Variants in TMOD4 observed in about 807,000 individuals in gnomAD.
The protein encoded by TMOD4 is tropomodulin 4.
Under a neutral mutation model 45.4 loss-of-function variants are expected in TMOD4, and 34 were observed. That is an observed-to-expected ratio of 0.75 (90% CI 0.57 to 1.00). The LOEUF (loss-of-function observed/expected upper bound fraction) is 1.00. TMOD4 is among the 50% of genes least tolerant of loss of function. The pLI, the probability that TMOD4 is intolerant of heterozygous loss-of-function variation, is 0.00. For synonymous variants in TMOD4, 131 were observed against 153.9 expected (o/e 0.85, Z 1.10); for missense variants, 399 against 437.5 (o/e 0.91, Z 0.78).
intron 3 of TMOD4, 61 bp downstream of exon 3, chr1:151,174,330 C>T (rs771392827): frequency 8.3e-6 from 13 of 1,566,454 alleles, no homozygotes; most frequent in Middle Eastern, 1.8e-4. Flanking sequence ...GGAGTGGGGA[C>T]GAGTGAGAGA....
At chr1:151,170,206 A>G in intron 9 of TMOD4, 103 bp from the exon 10 acceptor site, 2 of 1,410,010 alleles carry the variant, frequency 1.4e-6, no homozygotes, top group South Asian at 1.2e-5. Flanking sequence ...ATAAATTGGT[A>G]GTGTCTTAGG....
intron 7 of TMOD4, 80 bp downstream of exon 7, chr1:151,171,353 T>A (rs1683948291): frequency 7.4e-7 from 1 of 1,354,958 alleles, no homozygotes; most frequent in African/African-American, 1.4e-5. Context: ...TAGCACTCCC[T>A]AGCAAAACCC....
In TMOD4 at chr1:151,170,514, C is replaced by A. The variant is rs747711881; in HGVS notation, c.1015+5G>T. 6.2e-7 allele frequency: 1 copy of A among 1,614,178 alleles called. No individual in the cohort carries two copies. ...ACTCCACACATCATGTCTGCAGTTACTCACGTAGTTCATTGTTTCGGGTCA... is the reference window on the plus strand; with the variant it reads ...ACTCCACACATCATGTCTGCAGTTAATCACGTAGTTCATTGTTTCGGGTCA... On this transcript the variant is annotated splice_donor_5th_base_variant and intron_variant, in intron 9 of 9. Coordinates refer to ENST00000295314, the MANE Select transcript of TMOD4 (RefSeq NM_013353.3).
At chr1:151,173,642 G>A in intron 3 of TMOD4, 27 bp from the exon 4 acceptor site, 1 of 1,569,458 alleles carries the variant, frequency 6.4e-7, no homozygotes, top group South Asian at 1.1e-5. Flanking sequence ...GGATGGCTCA[G>A]GTAGAGGTAA....
intron 4 of TMOD4, among the ~76,000 whole-genome samples, 153 bp downstream of exon 4, chr1:151,173,346 A>G (rs996449472): frequency 2.6e-5 from 4 of 152,206 alleles, no homozygotes; most frequent in Non-Finnish European, 5.9e-5. Flanking sequence ...AAATGAATAA[A>G]TATATAAACA....
Position 151,174,883 on chromosome 1 carries a change from C to A in TMOD4, c.-8G>T. On this transcript the variant is annotated 5_prime_UTR_variant, in exon 2 of 10. Transcript: ENST00000295314. ...CTTCTGATATGATGACATGGTGGCCCCCACCCCCTCCCCACTGTGTGGTAC... is the reference window on the plus strand; with the variant it reads ...CTTCTGATATGATGACATGGTGGCCACCACCCCCTCCCCACTGTGTGGTAC... 1.2e-6 allele frequency: 2 copies of A among 1,614,066 alleles called. No individual in the cohort carries two copies. The highest frequency in any genetic ancestry group is 8.5e-7 in the Non-Finnish European group (1 of 1,180,000).
At chr1:151,171,785 G>A in intron 5 of TMOD4, 22 bp from the exon 6 acceptor site, 1 of 1,609,846 alleles carries the variant, frequency 6.2e-7, no homozygotes, top group Non-Finnish European at 8.5e-7. Context: ...GGGCAGGAAG[G>A]GAACCCCAAC....
intron 3 of TMOD4, 85 bp from the exon 4 acceptor site, chr1:151,173,700 T>A (rs1572085706): frequency 2.8e-6 from 3 of 1,054,076 alleles, no homozygotes; most frequent in Non-Finnish European, 4.4e-6. Context: ...CTCCAGGAGG[T>A]AGAATGCTGC....
chr1:151,175,040 T>C, intron 1 of TMOD4, 123 bp from the exon 2 acceptor site: 4 of 753,584 alleles, frequency 5.3e-6, no homozygotes, highest in Admixed American at 5.6e-5. Context: ...AGAAGTCTAG[T>C]TGAGGATGGG....
intron 3 of TMOD4, among the ~76,000 whole-genome samples, chr1:151,174,020 C>T (rs1455520998): frequency 6.6e-6 from 1 of 152,016 alleles, no homozygotes; most frequent in African/African-American, 2.4e-5. Flanking sequence ...TCGAGACCAT[C>T]CTGGCTAACA....
At chr1:151,174,084 T>C (rs1050982590) in intron 3 of TMOD4, among the ~76,000 whole-genome samples, 16 of 152,040 alleles carry the variant, frequency 1.1e-4, no homozygotes, top group South Asian at 1.0e-3. Context: ...GGCGTGGTGG[T>C]GGGCGCCTGT....
chr1:151,175,102 T>G, intron 1 of TMOD4, 185 bp from the exon 2 acceptor site: 3 of 487,776 alleles, frequency 6.2e-6, no homozygotes, highest in Non-Finnish European at 1.1e-5. Flanking sequence ...TCCTTTCTGC[T>G]TCCCCAGCTT....
In TMOD4 at chr1:151,174,743, G is replaced by A. The variant is rs746859848; in HGVS notation, c.123+10C>T. ...GGACTGCCTCTGGTTCCCTGTGCTG[G>A]AGCCCCTACCTCAGGATCCATCTCC... On this transcript the variant is annotated intron_variant, in intron 2 of 9. Coordinates refer to ENST00000295314, the MANE Select transcript of TMOD4 (RefSeq NM_013353.3). 14 of 1,613,264 alleles carry A rather than the reference G, an allele frequency of 8.7e-6. No homozygotes were observed. In the East Asian group the frequency reaches 2.4e-4, roughly 28 times the overall value.
At position 151,170,913 on chromosome 1, in the gene TMOD4, T is replaced by C. The variant is rs3811404; in HGVS notation, c.870+7A>G. ...GAATGCTAACATCAGGGGAAGGGAA[T>C]GCTGACCTGATTGTCTACACGGAGC... On this transcript the variant is annotated splice_region_variant and intron_variant, in intron 8 of 9. Coordinates refer to ENST00000295314, the MANE Select transcript of TMOD4 (RefSeq NM_013353.3). 1.9e-4 allele frequency: 307 copies of C among 1,613,932 alleles called. 3 individuals are homozygous for C. The East Asian group carries it at 6.5e-3, about 34-fold the overall frequency.
At position 151,170,034 on chromosome 1, in the gene TMOD4, T is replaced by G. The variant is rs1175161718; in HGVS notation, c.*47A>C. 1.2e-6 allele frequency: 2 copies of G among 1,609,238 alleles called. No individual in the cohort carries two copies. Reference sequence around the variant, plus strand: ...CAGGAAAGGAGGACAGATGAGGATTTAAGTGTCCAGTGCTCCCAGCGCTAG... The same window carrying G: ...CAGGAAAGGAGGACAGATGAGGATTGAAGTGTCCAGTGCTCCCAGCGCTAG... On this transcript the variant is annotated 3_prime_UTR_variant, in exon 10 of 10. Transcript: ENST00000295314.
intron 5 of TMOD4, 137 bp downstream of exon 5, chr1:151,172,131 G>C: frequency 1.4e-6 from 1 of 727,898 alleles, no homozygotes; most frequent in East Asian, 2.7e-5. Context: ...ACCTCACCTG[G>C]CACTCCACAG....
In TMOD4 at chr1:151,170,519, G is replaced by A. The variant is rs146592769; in HGVS notation, c.1015C>T (p.Arg339Cys). The change falls in exon 9 of 10, where the codon CGT becomes TGT. Residue 339 changes from arginine (R) to cysteine (C), a missense_variant and splice_region_variant. Transcript: ENST00000295314. The stretch of plus-strand genomic sequence containing the variant: ...ACACATCATGTCTGCAGTTACTCAC[G>A]TAGTTCATTGTTTCGGGTCATGGCC... ...AQAMTRNNEL[R>C]RQQKKR 251 of 1,614,054 alleles carry A rather than the reference G, an allele frequency of 1.6e-4. No homozygotes were observed. Among genetic ancestry groups the A allele is most frequent in the South Asian group, 6.8e-4 (62 of 91,088 alleles).
intron 7 of TMOD4, 60 bp from the exon 8 acceptor site, chr1:151,171,123 A>G: frequency 1.3e-6 from 2 of 1,569,250 alleles, no homozygotes; most frequent in Non-Finnish European, 1.7e-6. Flanking sequence ...CTGAGGAAAG[A>G]AAGAACAGGA....
intron 4 of TMOD4, among the ~76,000 whole-genome samples, chr1:151,172,983 A>C (rs913789177): frequency 2.6e-5 from 4 of 151,804 alleles, no homozygotes; most frequent in African/African-American, 4.8e-5. Flanking sequence ...CACCACACCC[A>C]GCTAATTTTT....
Sources: gnomAD v4.1 joint callset for allele counts (sites outside exome capture counted in the v4.1 genomes callset) on GRCh38, gnomAD v4.1.1 for gene constraint, MANE v1.5 for transcripts, NCBI Gene and HGNC (gene_info 2026-07-23, HGNC 2026-07-21) for gene names.